Variants in ALDH1A2 observed in about 807,000 individuals in gnomAD.
The protein encoded by ALDH1A2 is aldehyde dehydrogenase 1 family member A2.
A neutral mutation model predicts 60.3 loss-of-function variants in ALDH1A2; 27 were observed. The observed-to-expected ratio is 0.45, with a 90% CI of 0.33 to 0.62. The LOEUF is 0.62. ALDH1A2 is among the 20% of genes least tolerant of loss of function. The pLI, the probability that ALDH1A2 is intolerant of heterozygous loss-of-function variation, is 0.02. For missense variants in ALDH1A2, 581 were observed against 643.8 expected, an observed-to-expected ratio of 0.90 and a Z score of 1.06; for synonymous variants, 289 against 232.4, an observed-to-expected ratio of 1.24 and a Z score of -2.21.
Position 57,992,950 on chromosome 15 carries a change from T to C in ALDH1A2, c.679A>G (p.Lys227Glu), listed in dbSNP as rs1342535906. The change falls in exon 6 of 13, where the codon AAG becomes GAG. Residue 227 changes from lysine to glutamate, a missense_variant. By Grantham distance (56) the Lys-to-Glu change is moderately conservative (BLOSUM62 1). Transcript: ENST00000249750. ...LSALYMGALIKEAGFPPGVIN... is the reference protein window; with the variant it reads ...LSALYMGALIEEAGFPPGVIN... Reference sequence around the variant, plus strand: ...CCGAAGTCCGTTTCTCTTACCTCCTTGATGAGGGCTCCCATGTAGAGTGCA... The same window carrying C: ...CCGAAGTCCGTTTCTCTTACCTCCTCGATGAGGGCTCCCATGTAGAGTGCA... 6.2e-7 allele frequency: 1 copy of C among 1,613,938 alleles called. No individual in the cohort carries two copies. Among genetic ancestry groups the C allele is most frequent in the Non-Finnish European group, 8.5e-7 (1 of 1,179,982 alleles).
At chr15:58,022,028 T>C (rs1363776608) in intron 1 of ALDH1A2, among the ~76,000 whole-genome samples, 1 of 152,150 alleles carries the variant, frequency 6.6e-6, no homozygotes, top group Non-Finnish European at 1.5e-5. Flanking sequence ...CTGTGGCCAC[T>C]GATGATGGCC....
chr15:58,021,692 G>C (rs1350066176), intron 1 of ALDH1A2, among the ~76,000 whole-genome samples: 1 of 152,252 alleles, frequency 6.6e-6, no homozygotes, highest in African/African-American at 2.4e-5. Flanking sequence ...TGCTGTCCTG[G>C]GGCCCAGCAG....
At position 58,010,647 on chromosome 15, in the gene ALDH1A2, A is replaced by G; in HGVS notation, c.493+2T>C. On this transcript the variant is annotated splice_donor_variant, in intron 4 of 12. Coordinates refer to ENST00000249750, the MANE Select transcript of ALDH1A2 (RefSeq NM_003888.4). LOFTEE classifies it high-confidence loss of function. Reference sequence around the variant, plus strand: ...TTTTCAACGTACTCAGATTTCACATACCTACAGGAATGGTCATCCCATGAA... The same window carrying G: ...TTTTCAACGTACTCAGATTTCACATGCCTACAGGAATGGTCATCCCATGAA... 1.2e-6 allele frequency: 2 copies of G among 1,612,830 alleles called. No homozygotes were observed. Among genetic ancestry groups the G allele is most frequent in the Non-Finnish European group, 1.7e-6 (2 of 1,179,060 alleles).
intron 4 of ALDH1A2, among the ~76,000 whole-genome samples, chr15:58,001,278 CAT>C (rs1264823155): frequency 6.6e-6 from 1 of 151,884 alleles, no homozygotes; most frequent in Non-Finnish European, 1.5e-5. Context: ...CCCATAAAAA[CAT>C]ATTAATGACT....
At chr15:58,016,137 A>G (rs923419594) in intron 1 of ALDH1A2, among the ~76,000 whole-genome samples, 1 of 134,408 alleles carries the variant, frequency 7.4e-6, no homozygotes, top group Non-Finnish European at 1.6e-5. Context: ...ACTGATCCTA[A>G]TTTTTTTTTT....
At chr15:58,013,052 G>A (rs1038780111) in intron 3 of ALDH1A2, among the ~76,000 whole-genome samples, 16 of 152,212 alleles carry the variant, frequency 1.1e-4, no homozygotes, top group African/African-American at 3.9e-4. Context: ...TAGGGCAGGA[G>A]AAGTTCGTTA....
At chr15:58,060,825 G>C (rs1223570704) in intron 1 of ALDH1A2, among the ~76,000 whole-genome samples, 1 of 152,142 alleles carries the variant, frequency 6.6e-6, no homozygotes, top group South Asian at 2.1e-4. Context: ...GATAACTCAA[G>C]AGACAAAAAC....
At chr15:58,020,861 T>C (rs2140526731) in intron 1 of ALDH1A2, among the ~76,000 whole-genome samples, 1 of 152,296 alleles carries the variant, frequency 6.6e-6, no homozygotes. Context: ...TTTCCCATGG[T>C]GGTGGATTTA....
At chr15:57,955,319 C>T (rs1343635567) in intron 12 of ALDH1A2, 50 bp from the exon 13 acceptor site, 6 of 1,590,242 alleles carry the variant, frequency 3.8e-6, no homozygotes, top group Non-Finnish European at 5.2e-6. Flanking sequence ...CAGGGAGCTG[C>T]ATGTGAGTGC....
intron 4 of ALDH1A2, among the ~76,000 whole-genome samples, chr15:58,001,982 C>T (rs1895290642): frequency 6.6e-6 from 1 of 151,754 alleles, no homozygotes; most frequent in Non-Finnish European, 1.5e-5. Flanking sequence ...ACGTGTAGGA[C>T]TTTTGATCTC....
At chr15:57,955,712 G>A (rs1250158081) in intron 12 of ALDH1A2, among the ~76,000 whole-genome samples, 1 of 145,988 alleles carries the variant, frequency 6.8e-6, no homozygotes, top group African/African-American at 2.6e-5. Context: ...AGGCAGCACT[G>A]GTTCAGTATT....
chr15:57,969,307 G>A (rs1893988527), intron 7 of ALDH1A2, among the ~76,000 whole-genome samples: 1 of 152,144 alleles, frequency 6.6e-6, no homozygotes, highest in Admixed American at 6.6e-5. Flanking sequence ...ATGTGGCTTT[G>A]CAGTCCACTA....
intron 12 of ALDH1A2, among the ~76,000 whole-genome samples, chr15:57,957,493 G>A (rs34135635): frequency 0.03 from 4,634 of 152,268 alleles, 117 homozygotes; most frequent in Non-Finnish European, 0.047. Context: ...CAGGATTTCT[G>A]TCGCATATTT....
intron 1 of ALDH1A2, chr15:58,065,115 G>C (rs1897141924): frequency 7.0e-6 from 2 of 285,052 alleles, no homozygotes; most frequent in South Asian, 6.1e-5. Context: ...CAACAGCCGA[G>C]GGGCCCGGAA....
intron 4 of ALDH1A2, among the ~76,000 whole-genome samples, chr15:58,005,997 T>C (rs1455986528): frequency 6.7e-6 from 1 of 149,706 alleles, no homozygotes; most frequent in Non-Finnish European, 1.5e-5. Context: ...CAGAGTCATT[T>C]ACGGGCATGT....
At chr15:58,054,599 C>G (rs1285562263) in intron 1 of ALDH1A2, among the ~76,000 whole-genome samples, 1 of 152,124 alleles carries the variant, frequency 6.6e-6, no homozygotes, top group Non-Finnish European at 1.5e-5. Flanking sequence ...GCAAGCATCT[C>G]TCTCACAGAA....
At chr15:58,057,053 G>T (rs552742483) in intron 1 of ALDH1A2, among the ~76,000 whole-genome samples, 2 of 152,154 alleles carry the variant, frequency 1.3e-5, no homozygotes, top group South Asian at 4.1e-4. Context: ...CCATGAGCCA[G>T]CAATATCACT....
At chr15:57,983,259 A>C (rs1306773717) in intron 7 of ALDH1A2, among the ~76,000 whole-genome samples, 1 of 152,210 alleles carries the variant, frequency 6.6e-6, no homozygotes, top group Non-Finnish European at 1.5e-5. Context: ...CTGGCATAGG[A>C]AATGATGTTG....
rs114246442 is a variant in ALDH1A2 at position 57,980,575 on chromosome 15, G to A, written c.798+12130C>T. On this transcript the variant is annotated intron_variant, in intron 7 of 12. Transcript: ENST00000249750. ...CTGCCTCCTTCTGGGGGTCATATTTGGGCAGGAGCCAGTTCTTGACCTCGG... is the reference window on the plus strand; with the variant it reads ...CTGCCTCCTTCTGGGGGTCATATTTAGGCAGGAGCCAGTTCTTGACCTCGG... 6.3e-4 allele frequency: 173 copies of A among 275,658 alleles called. 1 individual carries two copies. The highest frequency in any genetic ancestry group is 3.8e-3 in the African/African-American group (171 of 44,486). 17.1% of individuals were successfully genotyped at this position (275,658 alleles called of 1,614,324 possible). A position where few individuals can be genotyped will look rare whatever the true frequency, so the allele number is the denominator to read the frequency against.
Sources: allele counts gnomAD v4.1 joint callset (sites outside exome capture counted in the v4.1 genomes callset), GRCh38; gene constraint gnomAD v4.1.1; transcripts MANE v1.5; gene names NCBI Gene and HGNC (gene_info 2026-07-23, HGNC 2026-07-21).